Variants in UGT1A5 observed in about 807,000 individuals in gnomAD.
The protein encoded by UGT1A5 is UDP-glucuronosyltransferase 1A5.
A neutral mutation model predicts 40.3 loss-of-function variants in UGT1A5; 29 were observed. That is an observed-to-expected ratio of 0.72 (90% CI 0.54 to 0.98). UGT1A5 has a LOEUF of 0.98. Ranked by LOEUF, UGT1A5 falls within the 50% of genes least tolerant of loss-of-function variation. The pLI is 0.00. For synonymous variants in UGT1A5, 257 were observed against 262.5 expected (o/e 0.98, Z 0.20); for missense variants, 678 against 677.9 (o/e 1.00, Z 0.00).
At chr2:233,749,153 G>A (rs530115797) in intron 1 of UGT1A5, among the ~76,000 whole-genome samples, 14 of 151,714 alleles carry the variant, frequency 9.2e-5, no homozygotes, top group Non-Finnish European at 1.3e-4. Flanking sequence ...TCCATGACTT[G>A]ATCCTTTTGT....
intron 1 of UGT1A5, among the ~76,000 whole-genome samples, chr2:233,762,456 GATA>G (rs1312099964): frequency 6.6e-6 from 1 of 152,130 alleles, no homozygotes; most frequent in African/African-American, 2.4e-5. Flanking sequence ...CCCACTTACC[GATA>G]ATGTCATGGA....
chr2:233,768,895 A>G (rs962281870), intron 4 of UGT1A5, among the ~76,000 whole-genome samples: 6 of 152,074 alleles, frequency 3.9e-5, no homozygotes, highest in African/African-American at 1.4e-4. Context: ...GGATTTATAA[A>G]TAAGATAATT....
In UGT1A5 at chr2:233,772,897, C is replaced by T. The variant is rs1320013324; in HGVS notation, c.*338C>T. 6.1e-6 allele frequency: 3 copies of T among 493,984 alleles called. No homozygotes were observed. Among genetic ancestry groups the T allele is most frequent in the Non-Finnish European group, 9.8e-6 (3 of 304,676 alleles). The allele number at this position is 493,984 out of a possible 1,614,324, so 30.6% of individuals were successfully genotyped here. A position where few individuals can be genotyped will look rare whatever the true frequency, so the allele number is the denominator to read the frequency against. ...AGTGCGGGATTCAAAGGTGGTCCCA[C>T]GGCTGCCCCTACTGCAAATGGCAGT... On this transcript the variant is annotated 3_prime_UTR_variant, in exon 5 of 5. Coordinates refer to ENST00000373414, the MANE Select transcript of UGT1A5 (RefSeq NM_019078.2).
intron 1 of UGT1A5, chr2:233,729,669 C>T: frequency 6.2e-7 from 1 of 1,613,910 alleles, no homozygotes; most frequent in Non-Finnish European, 8.5e-7. Context: ...GTGATTTAGA[C>T]TTTAAGGGCA....
At chr2:233,741,327 C>T (rs1174664524) in intron 1 of UGT1A5, among the ~76,000 whole-genome samples, 1 of 151,448 alleles carries the variant, frequency 6.6e-6, no homozygotes, top group Non-Finnish European at 1.5e-5. Flanking sequence ...TTCTACTCTA[C>T]CCAGAGTAGT....
chr2:233,744,809 C>T (rs1203148811), intron 1 of UGT1A5, among the ~76,000 whole-genome samples: 1 of 151,860 alleles, frequency 6.6e-6, no homozygotes. Context: ...CCTAGGATTT[C>T]CTGGCTCATA....
intron 1 of UGT1A5, chr2:233,747,090 C>T (rs999571843): frequency 1.8e-5 from 23 of 1,247,242 alleles, no homozygotes; most frequent in Non-Finnish European, 6.6e-6. Flanking sequence ...GAGGAGAGCA[C>T]TCTATCTTCC....
chr2:233,765,069 C>A (rs1391556696), intron 1 of UGT1A5, among the ~76,000 whole-genome samples: 2 of 152,082 alleles, frequency 1.3e-5, no homozygotes, highest in Non-Finnish European at 2.9e-5. Context: ...CAGAGGTCTC[C>A]TGTGTCTCAC....
chr2:233,749,416 T>G (rs1694186669), intron 1 of UGT1A5, among the ~76,000 whole-genome samples: 1 of 151,944 alleles, frequency 6.6e-6, no homozygotes, highest in Non-Finnish European at 1.5e-5. Context: ...GTTAACTACA[T>G]TGCTCAAAAC....
chr2:233,730,376 G>A (rs1316829383), intron 1 of UGT1A5, among the ~76,000 whole-genome samples: 1 of 152,114 alleles, frequency 6.6e-6, no homozygotes, highest in Non-Finnish European at 1.5e-5. Context: ...GATTTTCAGG[G>A]GAAAGATGAT....
rs145878694 is a variant in UGT1A5, at chr2:233,769,172, G to A, written c.1307+733G>A. On this transcript the variant is annotated intron_variant, in intron 4 of 4. Transcript: ENST00000373414. The surrounding 1 kb of genome is among the most constrained non-coding windows in gnomAD (Gnocchi z 4.4). ...GAACCTGTGAGAAATTTTGTCCATG[G>A]AGTTTATGAATGAAGGAGCTATAAG... Among the ~76,000 whole-genome samples the A allele has an allele frequency of 2.1e-4, 32 of 152,304 alleles. No homozygotes were observed. The East Asian group carries it at 5.0e-3, about 24-fold the overall frequency.
Position 233,769,698 on chromosome 2 carries a change from G to A in UGT1A5, c.1307+1259G>A. The A allele has an allele frequency of 6.5e-7, 1 of 1,529,982 alleles. No individual in the cohort carries two copies. Among genetic ancestry groups the A allele is most frequent in the Non-Finnish European group, 8.8e-7 (1 of 1,137,522 alleles). 94.8% of individuals were successfully genotyped at this position (1,529,982 alleles called of 1,614,324 possible). On this transcript the variant is annotated intron_variant, in intron 4 of 4. Coordinates refer to ENST00000373414, the MANE Select transcript of UGT1A5 (RefSeq NM_019078.2). The surrounding 1 kb of genome is among the most constrained non-coding windows in gnomAD (Gnocchi z 4.4). ...GTGTGTGTGGTGGCACTGGATAAAAGATCAATGTTGGCTAGGCACCATGGC... is the reference window on the plus strand; with the variant it reads ...GTGTGTGTGGTGGCACTGGATAAAAAATCAATGTTGGCTAGGCACCATGGC...
At position 233,713,844 on chromosome 2, in the gene UGT1A5, A is replaced by G; in HGVS notation, c.853A>G (p.Lys285Glu). ...FIGGINCANG[K>E]PLSQEFEAYI... is the part of the protein sequence containing the mutation. ...TGGGGGCATCAACTGTGCCAACGGG[A>G]AGCCACTATCTCAGGTCTGTATTGG... The change falls in exon 1 of 5, where the codon AAG becomes GAG. Residue 285 changes from lysine (K) to glutamate (E), a missense_variant. Coordinates refer to ENST00000373414, the MANE Select transcript of UGT1A5 (RefSeq NM_019078.2). 1.2e-6 allele frequency: 2 copies of G among 1,614,060 alleles called. No homozygotes were observed. Among genetic ancestry groups the G allele is most frequent in the Non-Finnish European group, 1.7e-6 (2 of 1,179,968 alleles).
At chr2:233,767,649 T>C (rs965947156) in intron 2 of UGT1A5, among the ~76,000 whole-genome samples, 200 bp from the exon 3 acceptor site, 2 of 152,184 alleles carry the variant, frequency 1.3e-5, no homozygotes, top group African/African-American at 4.8e-5. Context: ...ATTCACGTAG[T>C]GCATACACCC....
At position 233,747,357 on chromosome 2, in the gene UGT1A5, C is replaced by T. The variant is rs115834808; in HGVS notation, c.868-19677C>T. On this transcript the variant is annotated intron_variant, in intron 1 of 4. Coordinates refer to ENST00000373414, the MANE Select transcript of UGT1A5 (RefSeq NM_019078.2). ...ACTGGCTCGCATGCGGGAGGCCGTG[C>T]GGGAGCTCCATGCCAGAGGCCACCA... 7.9e-3 allele frequency: 12,675 copies of T among 1,602,394 alleles called. 83 individuals are homozygous for T. The highest frequency in any genetic ancestry group is 9.8e-3 in the Non-Finnish European group (11,526 of 1,171,410).
intron 1 of UGT1A5, chr2:233,743,409 A>C: frequency 7.6e-7 from 1 of 1,312,950 alleles, no homozygotes; most frequent in South Asian, 1.2e-5. Flanking sequence ...AAAGGCCCCC[A>C]CTTCCCAGGG....
At chr2:233,716,310 C>G (rs1253519294) in intron 1 of UGT1A5, among the ~76,000 whole-genome samples, 4 of 152,212 alleles carry the variant, frequency 2.6e-5, no homozygotes, top group African/African-American at 9.7e-5. Flanking sequence ...TCTCTTCCAC[C>G]TGTAATGGAA....
intron 1 of UGT1A5, chr2:233,747,344 G>A (rs1693636128): frequency 6.2e-7 from 1 of 1,603,174 alleles, no homozygotes; most frequent in African/African-American, 1.3e-5. Context: ...TGGCTCGCAT[G>A]CGGGAGGCCG....
chr2:233,747,849 A>C, intron 1 of UGT1A5: 1 of 1,613,552 alleles, frequency 6.2e-7, no homozygotes. Flanking sequence ...AAGGGTCAAG[A>C]ACATGCTCTA....
Sources: gnomAD v4.1 joint callset for allele counts (sites outside exome capture counted in the v4.1 genomes callset) on GRCh38, gnomAD v4.1.1 for gene constraint, Gnocchi (gnomAD v3.1) non-coding constraint, MANE v1.5 for transcripts, NCBI Gene and HGNC (gene_info 2026-07-23, HGNC 2026-07-21) for gene names.